CACNA2D3: variants seen among roughly 807,000 people sequenced by gnomAD.
CACNA2D3 encodes voltage-dependent calcium channel subunit alpha-2/delta-3.
CACNA2D3 carries 60 observed loss-of-function variants against 160.6 expected under a neutral mutation model. The ratio of observed to expected loss-of-function variants is 0.37; its 90% CI spans 0.30 to 0.46. The LOEUF is 0.46. CACNA2D3 is among the 20% of genes least tolerant of loss of function. The probability of loss-of-function intolerance (pLI) is 1.00; values close to 1 mark genes in which losing one functional copy is unlikely to be tolerated. For missense variants in CACNA2D3, 1,205 were observed against 1,365.0 expected, an observed-to-expected ratio of 0.88 and a Z score of 1.85; for synonymous variants, 558 against 492.9, an observed-to-expected ratio of 1.13 and a Z score of -1.75.
chr3:54,157,327 G>C (rs546286209), intron 2 of CACNA2D3, among the ~76,000 whole-genome samples: 180 of 152,296 alleles, frequency 1.2e-3, no homozygotes, highest in African/African-American at 4.0e-3. Flanking sequence ...GGGCTTCAGC[G>C]TATGAATTTT....
At chr3:54,925,611 C>T (rs1011260707) in intron 27 of CACNA2D3, among the ~76,000 whole-genome samples, 3 of 152,206 alleles carry the variant, frequency 2.0e-5, no homozygotes, top group African/African-American at 7.2e-5. Context: ...CAGATACTTA[C>T]ATTTCTGTAA....
chr3:54,876,998 A>G (rs923037511), intron 18 of CACNA2D3: 21 of 152,148 alleles, frequency 1.4e-4, no homozygotes, highest in Non-Finnish European at 1.9e-4. Context: ...AAACTTGAAC[A>G]TCGATATCGT....
At chr3:54,259,023 G>T (rs1255527670) in intron 2 of CACNA2D3, among the ~76,000 whole-genome samples, 1 of 152,122 alleles carries the variant, frequency 6.6e-6, no homozygotes, top group Non-Finnish European at 1.5e-5. Context: ...TGGTTTCTTT[G>T]GGGGAAACTT....
At chr3:54,222,370 A>G (rs1471759635) in intron 2 of CACNA2D3, among the ~76,000 whole-genome samples, 1 of 152,208 alleles carries the variant, frequency 6.6e-6, no homozygotes, top group African/African-American at 2.4e-5. Context: ...GAATAAGCCA[A>G]TGTCCTGAAG....
intron 35 of CACNA2D3, among the ~76,000 whole-genome samples, chr3:55,018,658 C>G: frequency 6.6e-6 from 1 of 151,706 alleles, no homozygotes; most frequent in East Asian, 2.0e-4. Flanking sequence ...CGTATCTTTA[C>G]TGAAGGCACA....
At chr3:54,762,132 C>G (rs969541625) in intron 12 of CACNA2D3, among the ~76,000 whole-genome samples, 2 of 152,160 alleles carry the variant, frequency 1.3e-5, no homozygotes, top group African/African-American at 4.8e-5. Context: ...CCTTCCCTGA[C>G]TACCTGCGTA....
At chr3:55,022,425 T>C (rs575054922) in intron 35 of CACNA2D3, among the ~76,000 whole-genome samples, 1 of 152,282 alleles carries the variant, frequency 6.6e-6, no homozygotes, top group East Asian at 1.9e-4. Flanking sequence ...TGTTATCTGA[T>C]AGTTTAATCT....
intron 4 of CACNA2D3, among the ~76,000 whole-genome samples, chr3:54,414,981 T>C (rs1203968851): frequency 6.6e-6 from 1 of 152,148 alleles, no homozygotes; most frequent in Non-Finnish European, 1.5e-5. Flanking sequence ...TTTATTGTTT[T>C]TACATACACA....
chr3:54,847,880 T>G, intron 17 of CACNA2D3, among the ~76,000 whole-genome samples: 1 of 152,164 alleles, frequency 6.6e-6, no homozygotes, highest in East Asian at 1.9e-4. Context: ...CGTGACAGAG[T>G]TTGGACTCCT....
rs764440125 is a variant in CACNA2D3, at chr3:54,627,817, G to A, written c.994G>A (p.Ala332Thr). 7.5e-6 allele frequency: 12 copies of A among 1,610,588 alleles called. No homozygotes were observed. The highest frequency in any genetic ancestry group is 1.7e-5 in the Admixed American group (1 of 59,710). The part of the protein sequence containing the change: ...HFREHLDKLF[A>T]KGIGMLDIAL... ...CAGGGAGCATCTGGACAAACTTTTCGCCAAAGGAATTGGAATGTTGGATAT... is the reference window on the plus strand; with the variant it reads ...CAGGGAGCATCTGGACAAACTTTTCACCAAAGGAATTGGAATGTTGGATAT... Residue 332 changes from alanine (A) to threonine (T), a missense_variant, in exon 10 of 38, where the codon GCC becomes ACC. Transcript: ENST00000474759.
chr3:54,573,923 G>A (rs1575354174), intron 8 of CACNA2D3, among the ~76,000 whole-genome samples: 1 of 152,272 alleles, frequency 6.6e-6, no homozygotes, highest in East Asian at 1.9e-4. Flanking sequence ...CTAGTAATAT[G>A]GTGTAGGTTT....
chr3:54,613,692 G>C (rs574222564), intron 9 of CACNA2D3, among the ~76,000 whole-genome samples: 20 of 152,314 alleles, frequency 1.3e-4, no homozygotes, highest in African/African-American at 4.6e-4. Context: ...AGTTCCTGCT[G>C]AGTCTGGCTC....
intron 13 of CACNA2D3, among the ~76,000 whole-genome samples, chr3:54,794,523 G>A (rs910617126): frequency 6.6e-6 from 1 of 151,388 alleles, no homozygotes; most frequent in African/African-American, 2.4e-5. Flanking sequence ...CTTCCAATTG[G>A]AATAATTTTT....
intron 3 of CACNA2D3, among the ~76,000 whole-genome samples, chr3:54,343,423 T>C (rs899365595): frequency 2.0e-5 from 3 of 152,084 alleles, no homozygotes; most frequent in Non-Finnish European, 2.9e-5. Context: ...TCCCAAGTAG[T>C]TGGGACTACA....
intron 4 of CACNA2D3, among the ~76,000 whole-genome samples, chr3:54,407,318 T>A (rs935765705): frequency 1.3e-5 from 2 of 152,148 alleles, no homozygotes; most frequent in Non-Finnish European, 2.9e-5. Flanking sequence ...GAGAAATAAA[T>A]GAAAAGAGAT....
intron 12 of CACNA2D3, among the ~76,000 whole-genome samples, chr3:54,762,139 C>T (rs1175515117): frequency 4.6e-5 from 7 of 152,200 alleles, no homozygotes; most frequent in Middle Eastern, 3.4e-3. Flanking sequence ...TGACTACCTG[C>T]GTATAGGATA....
intron 4 of CACNA2D3, among the ~76,000 whole-genome samples, chr3:54,419,966 A>G (rs1699812512): frequency 6.6e-6 from 1 of 151,938 alleles, no homozygotes. Context: ...GGGTTTCACC[A>G]TGTTGGTCAA....
At chr3:54,229,193 A>C (rs1701725398) in intron 2 of CACNA2D3, among the ~76,000 whole-genome samples, 1 of 146,792 alleles carries the variant, frequency 6.8e-6, no homozygotes. Flanking sequence ...TCAGCTAATT[A>C]ATTTTTTTTT....
At chr3:54,377,092 G>C (rs772384476) in intron 3 of CACNA2D3, among the ~76,000 whole-genome samples, 2 of 152,248 alleles carry the variant, frequency 1.3e-5, no homozygotes, top group Non-Finnish European at 2.9e-5. Context: ...TCACCATCCT[G>C]TCCAGTGTCT....
Sources: gnomAD v4.1 joint callset for allele counts (sites outside exome capture counted in the v4.1 genomes callset) on GRCh38, gnomAD v4.1.1 for gene constraint, MANE v1.5 for transcripts, NCBI Gene and HGNC (gene_info 2026-07-23, HGNC 2026-07-21) for gene names.